PCDH9: variants seen among roughly 807,000 people sequenced by gnomAD.
PCDH9 encodes the protein protocadherin 9.
In PCDH9, 24 loss-of-function variants were observed where a neutral mutation model predicts 70.6. The ratio of observed to expected loss-of-function variants is 0.34; its 90% CI spans 0.25 to 0.48. PCDH9 has a LOEUF of 0.48. Among genes scored for constraint, PCDH9 ranks in the 20% least tolerant of loss-of-function variants. The probability of loss-of-function intolerance (pLI) is 0.99; values close to 1 mark genes in which losing one functional copy is unlikely to be tolerated. For synonymous variants in PCDH9, 562 were observed against 558.5 expected, an observed-to-expected ratio of 1.01 and a Z score of -0.09; for missense variants, 1,281 against 1,503.6, an observed-to-expected ratio of 0.85 and a Z score of 2.45.
chr13:67,020,186 T>C (rs564242570), intron 2 of PCDH9, among the ~76,000 whole-genome samples: 2 of 152,172 alleles, frequency 1.3e-5, no homozygotes, highest in South Asian at 2.1e-4. Context: ...AATCTATCTA[T>C]GGGGAAAAAA....
chr13:66,760,185 C>T (rs9540901), intron 3 of PCDH9, among the ~76,000 whole-genome samples: 145,148 of 152,216 alleles, frequency 0.95, 69,592 homozygotes, highest in East Asian at 1. Flanking sequence ...TTCTCTTCTG[C>T]CCTGTAATGT....
intron 2 of PCDH9, among the ~76,000 whole-genome samples, chr13:66,920,812 T>G (rs2082625912): frequency 6.6e-6 from 1 of 151,210 alleles, no homozygotes; most frequent in African/African-American, 2.4e-5. Flanking sequence ...ATGTGTATAC[T>G]CCTTTCCAAA....
chr13:66,801,785 T>C (rs2139341245), intron 3 of PCDH9, among the ~76,000 whole-genome samples: 1 of 152,166 alleles, frequency 6.6e-6, no homozygotes, highest in East Asian at 1.9e-4. Context: ...ATTAAGCAAG[T>C]GGAGAGTAAT....
intron 3 of PCDH9, among the ~76,000 whole-genome samples, chr13:66,698,054 A>T (rs1340788186): frequency 6.6e-6 from 1 of 152,206 alleles, no homozygotes; most frequent in African/African-American, 2.4e-5. Flanking sequence ...AATTCCACTA[A>T]TATCAGTACC....
chr13:66,589,828 A>G (rs1166175185), intron 4 of PCDH9, among the ~76,000 whole-genome samples: 1 of 152,126 alleles, frequency 6.6e-6, no homozygotes, highest in East Asian at 1.9e-4. Context: ...TTGAGAATAC[A>G]TATTATAGTT....
At chr13:66,925,429 G>T (rs1427490328) in intron 2 of PCDH9, among the ~76,000 whole-genome samples, 1 of 151,638 alleles carries the variant, frequency 6.6e-6, no homozygotes, top group African/African-American at 2.4e-5. Context: ...CTGTTTTGTA[G>T]TTCTATGGGG....
chr13:67,011,263 A>G (rs2084446723), intron 2 of PCDH9, among the ~76,000 whole-genome samples: 1 of 151,914 alleles, frequency 6.6e-6, no homozygotes, highest in Non-Finnish European at 1.5e-5. Flanking sequence ...ACAGAAAAAT[A>G]TGTGTCTATA....
intron 3 of PCDH9, among the ~76,000 whole-genome samples, chr13:66,703,743 CA>C (rs577509393): frequency 1.4e-3 from 218 of 151,592 alleles, no homozygotes; most frequent in South Asian, 6.3e-3. Context: ...AAAAAAAATA[CA>C]AAAAGTATCC....
At chr13:66,963,361 C>A (rs9317631) in intron 2 of PCDH9, among the ~76,000 whole-genome samples, 1 of 151,926 alleles carries the variant, frequency 6.6e-6, no homozygotes, top group African/African-American at 2.4e-5. Flanking sequence ...TGAAGAGAGG[C>A]GCAAAACATT....
intron 3 of PCDH9, among the ~76,000 whole-genome samples, chr13:66,868,071 GA>G (rs1171343225): frequency 1.3e-5 from 2 of 151,924 alleles, no homozygotes; most frequent in African/African-American, 2.4e-5. Context: ...TTCCTAGACT[GA>G]TTTACTGTCA....
intron 3 of PCDH9, among the ~76,000 whole-genome samples, chr13:66,808,863 T>C (rs575177844): frequency 2.4e-4 from 37 of 152,334 alleles, no homozygotes; most frequent in African/African-American, 7.7e-4. Flanking sequence ...ATTTGCATCT[T>C]AACAAGATTT....
chr13:66,932,485 TA>T (rs1327769562), intron 2 of PCDH9, among the ~76,000 whole-genome samples: 1 of 151,788 alleles, frequency 6.6e-6, no homozygotes, highest in Non-Finnish European at 1.5e-5. Context: ...ATAGAAGAAA[TA>T]AATTCTGAAA....
At chr13:67,113,708 C>T (rs2086703858) in intron 2 of PCDH9, among the ~76,000 whole-genome samples, 1 of 152,186 alleles carries the variant, frequency 6.6e-6, no homozygotes, top group East Asian at 1.9e-4. Flanking sequence ...CCATCACGCC[C>T]GGCTAATTTT....
chr13:66,705,735 G>A (rs1348606222), intron 3 of PCDH9, among the ~76,000 whole-genome samples: 1 of 152,110 alleles, frequency 6.6e-6, no homozygotes, highest in Non-Finnish European at 1.5e-5. Context: ...ATATGCTTAT[G>A]ATGAAGAAAA....
intron 4 of PCDH9, among the ~76,000 whole-genome samples, chr13:66,326,016 C>G (rs973461691): frequency 6.6e-6 from 1 of 152,128 alleles, no homozygotes; most frequent in African/African-American, 2.4e-5. Context: ...CCTCTCATTA[C>G]TCTATCAAAC....
chr13:66,824,303 G>A (rs1157845425), intron 3 of PCDH9, among the ~76,000 whole-genome samples: 1 of 128,374 alleles, frequency 7.8e-6, no homozygotes, highest in African/African-American at 3.0e-5. Context: ...TTGTTTGAAA[G>A]TATATATATA....
At chr13:66,714,459 G>A (rs563557575) in intron 3 of PCDH9, among the ~76,000 whole-genome samples, 29 of 147,432 alleles carry the variant, frequency 2.0e-4, no homozygotes, top group East Asian at 1.6e-3. Context: ...GCAAGACTCC[G>A]TCTCAAAAAA....
chr13:66,960,339 A>C (rs1212301126), intron 2 of PCDH9, among the ~76,000 whole-genome samples: 1 of 152,182 alleles, frequency 6.6e-6, no homozygotes, highest in Admixed American at 6.5e-5. Flanking sequence ...ATTTCATTGG[A>C]CACTATGTGA....
Position 67,197,625 on chromosome 13 carries a change from GGCCTATA to G in PCDH9, c.3036+27773_3036+27779del, listed in dbSNP as rs2089102961. On this transcript the variant is annotated intron_variant, in intron 2 of 4. Coordinates refer to ENST00000377865, the MANE Select transcript of PCDH9 (RefSeq NM_203487.3). Reference sequence around the variant, plus strand: ...CAGGTATATGAATTTTTCTGGAGCAGGCCTATAGCCTTTAAATTATACTCAAAGGAGT... The same window carrying G: ...CAGGTATATGAATTTTTCTGGAGCAGGCCTTTAAATTATACTCAAAGGAGT... Among the ~76,000 whole-genome samples the G allele has an allele frequency of 2.0e-5, 3 of 151,970 alleles. No homozygotes were observed. The East Asian group carries it at 5.8e-4, about 29-fold the overall frequency.
Sources: gnomAD v4.1 joint callset for allele counts (sites outside exome capture counted in the v4.1 genomes callset) on GRCh38, gnomAD v4.1.1 for gene constraint, MANE v1.5 for transcripts, NCBI Gene and HGNC (gene_info 2026-07-23, HGNC 2026-07-21) for gene names.